Variants in RAPGEF3 observed in about 807,000 individuals in gnomAD.
RAPGEF3 encodes Rap guanine nucleotide exchange factor 3, also known as 9330170P05Rik.
RAPGEF3 carries 103 observed loss-of-function variants against 129.8 expected under a neutral mutation model. The ratio of observed to expected loss-of-function variants is 0.79; its 90% CI spans 0.68 to 0.93. The LOEUF is 0.93. RAPGEF3 is among the 40% of genes least tolerant of loss of function. RAPGEF3 has a pLI of 0.00. For synonymous variants in RAPGEF3, 436 were observed against 482.6 expected (o/e 0.90, Z 1.26); for missense variants, 1,117 against 1,207.4 (o/e 0.93, Z 1.11).
In RAPGEF3 at chr12:47,738,071, G is replaced by A. The variant is rs754581681; in HGVS notation, c.2604C>T (p.Ser868=). ...HNPVPLSPLR[S]RVSHLHEDSQ... ...TGTCCTCGTGGAGGTGGGAAACTCG[G>A]CTTCTGAGTGGTGAGAGAGGCACTG... Residue 868 remains serine (S), a synonymous_variant, in exon 27 of 28, where the codon AGC becomes AGT. Transcript: ENST00000449771. 6.2e-7 allele frequency: 1 copy of A among 1,614,136 alleles called. No individual in the cohort carries two copies. The highest frequency in any genetic ancestry group is 1.1e-5 in the South Asian group (1 of 91,074).
rs368203022 is a variant in RAPGEF3 at position 47,740,648 on chromosome 12, G to T, written c.2225C>A (p.Ala742Glu). The T allele has an allele frequency of 6.2e-7, 1 of 1,613,362 alleles. No homozygotes were observed. The highest frequency in any genetic ancestry group is 1.3e-5 in the African/African-American group (1 of 74,938). The change falls in exon 21 of 28, where the codon GCG (alanine) becomes GAG (glutamate). Residue 742 changes from alanine (A) to glutamate (E), a missense_variant. Coordinates refer to ENST00000449771, the MANE Select transcript of RAPGEF3 (RefSeq NM_001098531.4). ...AQLLRKFIKLAAHLKEQKNLN... is the reference protein window; with the variant it reads ...AQLLRKFIKLEAHLKEQKNLN... ...CCACTGGACAGGGACTCACTGGGCC[G>T]CCAGCTTAATGAACTTCCTGAGCAG...
chr12:47,740,447 A>G (rs752177639), intron 21 of RAPGEF3, 52 bp from the exon 22 acceptor site: 2 of 1,572,048 alleles, frequency 1.3e-6, no homozygotes, highest in South Asian at 1.1e-5. Context: ...AGCCACCCCT[A>G]CAGTGCCCCC....
rs373219854 is a variant in RAPGEF3, at chr12:47,758,014, C to G, written c.71G>C (p.Gly24Ala). Residue 24 changes from glycine (G) to alanine (A), a missense_variant, in exon 2 of 28, where the codon GGA (glycine) becomes GCA (alanine). Gly to Ala is a moderately conservative substitution (Grantham distance 60). Coordinates refer to ENST00000449771, the MANE Select transcript of RAPGEF3 (RefSeq NM_001098531.4). Reference sequence around the variant, plus strand: ...AGGGAGGGCTCCCACCCGCGGTGCTCCCAGAGCTGGGCTATCCTCCACAGC... The same window carrying G: ...AGGGAGGGCTCCCACCCGCGGTGCTGCCAGAGCTGGGCTATCCTCCACAGC... ...GLAVEDSPAL[G>A]APRVGALPDV... 1.9e-6 allele frequency: 3 copies of G among 1,575,770 alleles called. No individual in the cohort carries two copies. In the African/African-American group the frequency reaches 4.0e-5, roughly 21 times the overall value.
At position 47,738,112 on chromosome 12, in the gene RAPGEF3, G is replaced by T. The variant is rs770131717; in HGVS notation, c.2582-19C>A. The T allele has an allele frequency of 6.2e-6, 10 of 1,613,930 alleles. No individual in the cohort carries two copies. Among genetic ancestry groups the T allele is most frequent in the Admixed American group, 3.3e-5 (2 of 60,008 alleles). On this transcript the variant is annotated intron_variant, in intron 26 of 27. Transcript: ENST00000449771. ...AGAGGCACTGCGGGGGTGGGGAGGG[G>T]TCATGGAGTCAGGGCCACCCTGGAG...
At position 47,738,244 on chromosome 12, in the gene RAPGEF3, T is replaced by C. The variant is rs759034284; in HGVS notation, c.2530A>G (p.Met844Val). The change falls in exon 26 of 28, where the codon ATG (methionine) becomes GTG (valine). Residue 844 changes from methionine (M) to valine (V), a missense_variant. By Grantham distance (21) the Met-to-Val change is conservative. Around this residue, in one of 3 missense-constraint regions of RAPGEF3, gnomAD observed 643 missense variants for 673.4 expected, o/e 0.95. Coordinates refer to ENST00000449771, the MANE Select transcript of RAPGEF3 (RefSeq NM_001098531.4). Reference protein sequence around the residue: ...ENLINFEKMRMMARAARMLHH... With the variant: ...ENLINFEKMRVMARAARMLHH... ...AGCATCCGCGCGGCTCTGGCCATCA[T>C]TCTCTGCGGACAACACCGGGGCATA... 6.2e-7 allele frequency: 1 copy of C among 1,612,990 alleles called. No individual in the cohort carries two copies. The highest frequency in any genetic ancestry group is 1.7e-5 in the Admixed American group (1 of 60,008).
rs1941645293 is a variant in RAPGEF3 at position 47,749,900 on chromosome 12, G to C, written c.817+30C>G. ...CCTTCTGCCCATGTCCAGGCCCTGT[G>C]CCTGGCTTCTTATGCCCTGCTGGAC... On this transcript the variant is annotated intron_variant, in intron 8 of 27. Coordinates refer to ENST00000449771, the MANE Select transcript of RAPGEF3 (RefSeq NM_001098531.4). The surrounding 1 kb of genome is among the most constrained non-coding windows in gnomAD (Gnocchi z 4.5). The C allele has an allele frequency of 6.2e-7, 1 of 1,614,004 alleles. No homozygotes were observed.
rs1940790405 is a variant in RAPGEF3 at position 47,736,059 on chromosome 12, TGCTACAGAGGCAGGA to T, written c.*1493_*1507del. The T allele has an allele frequency of 6.6e-6, 1 of 152,266 alleles. No individual in the cohort carries two copies. The highest frequency in any genetic ancestry group is 1.5e-5 in the Non-Finnish European group (1 of 68,054). 9.4% of individuals were successfully genotyped at this position (152,266 alleles called of 1,614,324 possible). A position where few individuals can be genotyped will look rare whatever the true frequency, so the allele number is the denominator to read the frequency against. ...CAGGACTGCCCTTGGCTGTCACCTC[TGCTACAGAGGCAGGA>T]GCTACAGTTTTATGTGTTTGTCACT... is the stretch of plus-strand genomic sequence containing the variant. On this transcript the variant is annotated 3_prime_UTR_variant, in exon 28 of 28. Transcript: ENST00000449771.
At chr12:47,752,750 C>T (rs1346434963) in intron 2 of RAPGEF3, 1 of 152,310 alleles carries the variant, frequency 6.6e-6, no homozygotes, top group African/African-American at 2.4e-5. Flanking sequence ...ATCTGTGAGG[C>T]ATTAGGGTGG....
chr12:47,751,105 A>T lies in RAPGEF3; in HGVS notation c.614T>A (p.Val205Glu), dbSNP rs770831517. The change falls in exon 6 of 28, where the codon GTG (valine) becomes GAG (glutamate). Residue 205 changes from valine (V) to glutamate (E), a missense_variant. Val to Glu is a moderately radical substitution (Grantham distance 121). Around this residue, in one of 3 missense-constraint regions of RAPGEF3, gnomAD observed 367 missense variants for 373.4 expected, o/e 0.98. Coordinates refer to ENST00000449771, the MANE Select transcript of RAPGEF3 (RefSeq NM_001098531.4). The stretch of plus-strand genomic sequence containing the variant: ...AGGCCCCCGCTGGGAGAGCAGGGCC[A>T]CAGCTTCGGCCAACTCCTCCTCCAT... ...HEMEEELAEA[V>E]ALLSQRGPDA... 1 of 1,585,636 alleles carries T rather than the reference A, an allele frequency of 6.3e-7. No homozygotes were observed. Among genetic ancestry groups the T allele is most frequent in the South Asian group, 1.2e-5 (1 of 86,494 alleles).
intron 5 of RAPGEF3, 48 bp from the exon 6 acceptor site, chr12:47,751,264 A>G: frequency 6.5e-7 from 1 of 1,547,484 alleles, no homozygotes; most frequent in Non-Finnish European, 8.7e-7. Flanking sequence ...AATTGAGGCT[A>G]TGTGGGTATG....
chr12:47,737,317 TG>T lies in RAPGEF3; in HGVS notation c.*249del, dbSNP rs1940836284. 7.6e-6 allele frequency: 4 copies of T among 525,322 alleles called. No homozygotes were observed. In the East Asian group the frequency reaches 1.4e-4, roughly 18 times the overall value. 32.5% of individuals were successfully genotyped at this position (525,322 alleles called of 1,614,324 possible). ...GCGCACTCCACTCTCCACCCACTCCTGGGGCCTCTCTGTCCTCCCTTCCTTG... is the reference window on the plus strand; with the variant it reads ...GCGCACTCCACTCTCCACCCACTCCTGGGCCTCTCTGTCCTCCCTTCCTTG... On this transcript the variant is annotated 3_prime_UTR_variant, in exon 28 of 28. Transcript: ENST00000449771.
Position 47,737,276 on chromosome 12 carries a change from T to C in RAPGEF3, c.*291A>G, listed in dbSNP as rs1940833290. The C allele has an allele frequency of 2.4e-6, 1 of 424,854 alleles. No individual in the cohort carries two copies. The highest frequency in any genetic ancestry group is 3.8e-5 in the Admixed American group (1 of 26,588). The allele number at this position is 424,854 out of a possible 1,614,324, so 26.3% of individuals were successfully genotyped here. Reference sequence around the variant, plus strand: ...ACATCTGGTGTGGAGACCTCTCTATTGCACACAACGTCCCAGCGCACTCCA... The same window carrying C: ...ACATCTGGTGTGGAGACCTCTCTATCGCACACAACGTCCCAGCGCACTCCA... On this transcript the variant is annotated 3_prime_UTR_variant, in exon 28 of 28. Transcript: ENST00000449771.
chr12:47,752,083 TCCATGTGG>T, intron 2 of RAPGEF3, 114 bp from the exon 3 acceptor site: 1 of 1,106,086 alleles, frequency 9.0e-7, no homozygotes, highest in South Asian at 1.3e-5. Flanking sequence ...CCCAAATGCA[TCCATGTGG>T]CCACTCCTTC....
At chr12:47,757,274 C>T (rs1942130385) in intron 2 of RAPGEF3, among the ~76,000 whole-genome samples, 1 of 152,158 alleles carries the variant, frequency 6.6e-6, no homozygotes, top group African/African-American at 2.4e-5. Context: ...CCTGCTCTCT[C>T]CTTCATTCTT....
intron 27 of RAPGEF3, 53 bp from the exon 28 acceptor site, chr12:47,737,738 C>A (rs200250073): frequency 1.8e-5 from 27 of 1,513,112 alleles, no homozygotes; most frequent in Non-Finnish European, 2.5e-5. Context: ...TGGAACCCAA[C>A]CTTTCCCCTC....
chr12:47,740,161 A>G lies in RAPGEF3; in HGVS notation c.2353T>C (p.Ser785Pro), dbSNP rs200046122. 218 of 1,613,374 alleles carry G rather than the reference A, an allele frequency of 1.4e-4. No homozygotes were observed. Among genetic ancestry groups the G allele is most frequent in the Non-Finnish European group, 1.8e-4 (212 of 1,179,872 alleles). The change falls in exon 23 of 28, where the codon TCC (serine) becomes CCC (proline). Residue 785 changes from serine (S) to proline (P), a missense_variant. Transcript: ENST00000449771. Reference sequence around the variant, plus strand: ...CTCACCAGCAGCCTCTCGAGGGCGGAGTACAGCTTCCGGACTTTGTGAGGC... The same window carrying G: ...CTCACCAGCAGCCTCTCGAGGGCGGGGTACAGCTTCCGGACTTTGTGAGGC... Reference protein sequence around the residue: ...RLPHKVRKLYSALERLLDPSW... With the variant: ...RLPHKVRKLYPALERLLDPSW...
intron 20 of RAPGEF3, 40 bp from the exon 21 acceptor site, chr12:47,740,863 C>G (rs776514592): frequency 6.2e-7 from 1 of 1,613,390 alleles, no homozygotes; most frequent in Non-Finnish European, 8.5e-7. Context: ...AGTGCTGAGC[C>G]GAGCCGGGCG....
At position 47,757,942 on chromosome 12, in the gene RAPGEF3, A is replaced by C; in HGVS notation, c.143T>G (p.Met48Arg). 1 of 1,558,262 alleles carries C rather than the reference A, an allele frequency of 6.4e-7. No homozygotes were observed. Among genetic ancestry groups the C allele is most frequent in the South Asian group, 1.2e-5 (1 of 84,610 alleles). The change falls in exon 2 of 28, where the codon ATG (methionine) becomes AGG (arginine). Residue 48 changes from methionine to arginine, a missense_variant. Around this residue, in one of 3 missense-constraint regions of RAPGEF3, gnomAD observed 367 missense variants for 373.4 expected, o/e 0.98. Coordinates refer to ENST00000449771, the MANE Select transcript of RAPGEF3 (RefSeq NM_001098531.4). ...GTLLNMVLRR[M>R]HRPRSCSYQL... ...GTAGGAGCAGCTTCGGGGCCGGTGC[A>C]TCCTTCTCAACACCATGTTGAGTAG...
At position 47,736,460 on chromosome 12, in the gene RAPGEF3, G is replaced by A. The variant is rs988538178; in HGVS notation, c.*1107C>T. The A allele has an allele frequency of 6.6e-6, 1 of 152,356 alleles. No homozygotes were observed. The allele number at this position is 152,356 out of a possible 1,614,324, so 9.4% of individuals were successfully genotyped here. On this transcript the variant is annotated 3_prime_UTR_variant, in exon 28 of 28. Transcript: ENST00000449771. ...GGGTGGAGTCCCTGGAGCTTCCTGGGTGAGCTCTGCCTCGCAAGAGGCGTC... is the reference window on the plus strand; with the variant it reads ...GGGTGGAGTCCCTGGAGCTTCCTGGATGAGCTCTGCCTCGCAAGAGGCGTC...
Sources: allele counts gnomAD v4.1 joint callset (sites outside exome capture counted in the v4.1 genomes callset), GRCh38; gene constraint gnomAD v4.1.1; regional missense constraint gnomAD v4.1.1; non-coding constraint Gnocchi (gnomAD v3.1); transcripts MANE v1.5; gene names NCBI Gene and HGNC (gene_info 2026-07-23, HGNC 2026-07-21).